Variants in ATL1 observed in about 807,000 individuals in gnomAD.
ATL1 encodes atlastin-1.
ATL1 carries 31 observed loss-of-function variants against 75.5 expected under a neutral mutation model. The observed-to-expected ratio is 0.41, with a 90% CI of 0.31 to 0.55. The LOEUF is 0.55. Among genes scored for constraint, ATL1 ranks in the 20% least tolerant of loss-of-function variants. The pLI, the probability that ATL1 is intolerant of heterozygous loss-of-function variation, is 0.27. For missense variants in ATL1, 405 were observed against 662.6 expected (o/e 0.61, Z 4.27); for synonymous variants, 226 against 233.3 (o/e 0.97, Z 0.28).
chr14:50,542,294 G>A (rs1345895844), intron 1 of ATL1, among the ~76,000 whole-genome samples: 1 of 149,512 alleles, frequency 6.7e-6, no homozygotes, highest in Non-Finnish European at 1.5e-5. Context: ...TCGGGGGGAG[G>A]GGGTTGGGGG....
chr14:50,546,349 G>A (rs1304141825), intron 1 of ATL1, among the ~76,000 whole-genome samples: 1 of 151,960 alleles, frequency 6.6e-6, no homozygotes, highest in Non-Finnish European at 1.5e-5. Flanking sequence ...CTAGAGTTCT[G>A]AAGTAAAAGG....
intron 1 of ATL1, among the ~76,000 whole-genome samples, chr14:50,544,565 T>C (rs1416155258): frequency 1.3e-5 from 2 of 152,188 alleles, no homozygotes; most frequent in Non-Finnish European, 2.9e-5. Flanking sequence ...ATTCTGTCTC[T>C]AGGCATGGAT....
chr14:50,537,442 C>T (rs569098255), intron 1 of ATL1, among the ~76,000 whole-genome samples: 4 of 152,288 alleles, frequency 2.6e-5, no homozygotes, highest in African/African-American at 9.6e-5. Context: ...GGGTCAGAGC[C>T]CCCAGACAGA....
intron 8 of ATL1, among the ~76,000 whole-genome samples, chr14:50,615,596 A>G (rs988128330): frequency 6.6e-6 from 1 of 152,166 alleles, no homozygotes; most frequent in Admixed American, 6.6e-5. Context: ...CTTTCATACC[A>G]CAGACTAGAT....
At chr14:50,627,581 TCA>T (rs1447944474) in intron 11 of ATL1, among the ~76,000 whole-genome samples, 1 of 152,254 alleles carries the variant, frequency 6.6e-6, no homozygotes, top group Non-Finnish European at 1.5e-5. Context: ...AGAATGTATT[TCA>T]CAGTTTACTT....
chr14:50,566,570 T>G (rs1253895724), intron 1 of ATL1, among the ~76,000 whole-genome samples: 1 of 152,188 alleles, frequency 6.6e-6, no homozygotes, highest in African/African-American at 2.4e-5. Flanking sequence ...AATCTGCATT[T>G]TACTGATTAC....
intron 1 of ATL1, among the ~76,000 whole-genome samples, chr14:50,534,342 T>C (rs530646268): frequency 3.3e-5 from 5 of 152,076 alleles, no homozygotes; most frequent in African/African-American, 1.2e-4. Context: ...AACCAGAGGA[T>C]TTTATAGTGT....
rs192754337 is a variant in ATL1 at position 50,541,963 on chromosome 14, C to T, written c.-140+8596C>T. Among the ~76,000 whole-genome samples, 350 of 123,786 alleles carry T rather than the reference C, an allele frequency of 2.8e-3. 2 individuals carry two copies. The highest frequency in any genetic ancestry group is 0.01 in the African/African-American group (328 of 31,278). The allele number at this position is 123,786 out of a possible 152,430, so 81.2% of individuals were successfully genotyped here. On this transcript the variant is annotated intron_variant, in intron 1 of 13. Coordinates refer to the ATL1 transcript ENST00000441560. Reference sequence around the variant, plus strand: ...CAGAGCTTGTAGTGAGCCGAGATCGCGCCACTGCACTCCAGCCTGGGCGAC... The same window carrying T: ...CAGAGCTTGTAGTGAGCCGAGATCGTGCCACTGCACTCCAGCCTGGGCGAC...
chr14:50,622,684 A>T (rs144686374), intron 10 of ATL1, among the ~76,000 whole-genome samples: 2,778 of 152,180 alleles, frequency 0.018, 55 homozygotes, highest in South Asian at 0.085. Flanking sequence ...ATAAGAATAA[A>T]AAATAAATAA....
intron 9 of ATL1, 73 bp from the exon 10 acceptor site, chr14:50,621,770 A>G: frequency 1.1e-6 from 1 of 914,348 alleles, no homozygotes; most frequent in South Asian, 1.4e-5. Context: ...AAGAACTTAG[A>G]ATGCAATTTC....
Position 50,560,190 on chromosome 14 carries a change from C to G in ATL1, c.-76C>G. 6.3e-7 allele frequency: 1 copy of G among 1,582,520 alleles called. No individual in the cohort carries two copies. The highest frequency in any genetic ancestry group is 8.6e-7 in the Non-Finnish European group (1 of 1,158,882). On this transcript the variant is annotated 5_prime_UTR_variant, in exon 1 of 14. Transcript: ENST00000358385. ...CCAGCGCGGGCACGGAGCCTCCCAC[C>G]GCCAGCAACCTGCGGCCCCGGAGAA...
At chr14:50,573,212 T>A (rs2038970535) in intron 1 of ATL1, among the ~76,000 whole-genome samples, 1 of 152,198 alleles carries the variant, frequency 6.6e-6, no homozygotes, top group Non-Finnish European at 1.5e-5. Flanking sequence ...CATAATATTT[T>A]TTTTACCCAT....
At chr14:50,557,947 C>T (rs900007287), upstream of ATL1, among the ~76,000 whole-genome samples, 1 of 152,140 alleles carries the variant, frequency 6.6e-6, no homozygotes, top group Non-Finnish European at 1.5e-5. Context: ...CAAAAAGGGA[C>T]AATGTTAAAA....
At position 50,624,991 on chromosome 14, in the gene ATL1, AC is replaced by A. The variant is rs1320755855; in HGVS notation, c.1119+1746del. On this transcript the variant is annotated intron_variant, in intron 11 of 13. Coordinates refer to ENST00000358385, the MANE Select transcript of ATL1 (RefSeq NM_015915.5). The stretch of plus-strand genomic sequence containing the variant: ...AGGCCGAGGCAGGAGAATCGCTTGA[AC>A]CCAGGAGGCAGAGGTTGCAATGAGC... Among the ~76,000 whole-genome samples, 532 of 150,270 alleles carry A rather than the reference AC, an allele frequency of 3.5e-3. 1 individual carries two copies. The highest frequency in any genetic ancestry group is 7.3e-3 in the Middle Eastern group (2 of 274).
chr14:50,621,106 G>A (rs2039463214), intron 9 of ATL1, among the ~76,000 whole-genome samples: 1 of 152,084 alleles, frequency 6.6e-6, no homozygotes, highest in South Asian at 2.1e-4. Context: ...CCTTCCTACT[G>A]AAGAAAATAC....
chr14:50,560,755 G>T (rs2038831332), intron 1 of ATL1, among the ~76,000 whole-genome samples: 2 of 152,232 alleles, frequency 1.3e-5, no homozygotes. Context: ...CCAACTCGCT[G>T]GCTCTGCAGG....
intron 1 of ATL1, among the ~76,000 whole-genome samples, chr14:50,552,851 A>G (rs1254513301): frequency 1.3e-5 from 2 of 152,218 alleles, no homozygotes; most frequent in African/African-American, 4.8e-5. Flanking sequence ...ACCTTATAGA[A>G]AAATCAACTC....
In ATL1 at chr14:50,615,259, G is replaced by C. The variant is rs113273814; in HGVS notation, c.862+748G>C. On this transcript the variant is annotated intron_variant, in intron 8 of 13. Coordinates refer to ENST00000358385, the MANE Select transcript of ATL1 (RefSeq NM_015915.5). ...CATGACTTTTTAACTTGAAAGCGTAGTGTTGAATATGCCACTGAATTCAGA... is the reference window on the plus strand; with the variant it reads ...CATGACTTTTTAACTTGAAAGCGTACTGTTGAATATGCCACTGAATTCAGA... 2.9e-4 allele frequency among the ~76,000 whole-genome samples: 44 copies of C among 152,324 alleles called. 2 individuals are homozygous for C. Among genetic ancestry groups the C allele is most frequent in the Admixed American group, 2.3e-3 (35 of 15,296 alleles).
rs1331632379 is a variant in ATL1 at position 50,632,252 on chromosome 14, A to G, written c.1590A>G (p.Ala530=). 6.2e-7 allele frequency: 1 copy of G among 1,613,096 alleles called. No individual in the cohort carries two copies. The part of the protein sequence containing the change: ...TNEALYKLYS[A]AATHRHLYHQ... ...AGGCTTTGTACAAGCTTTACAGTGCAGCAGCAACCCACAGACATCTGTATC... is the reference window on the plus strand; with the variant it reads ...AGGCTTTGTACAAGCTTTACAGTGCGGCAGCAACCCACAGACATCTGTATC... The change falls in exon 14 of 14, where the codon GCA becomes GCG. Residue 530 remains alanine (A), a synonymous_variant. Coordinates refer to ENST00000358385, the MANE Select transcript of ATL1 (RefSeq NM_015915.5).
Sources: allele counts gnomAD v4.1 joint callset (sites outside exome capture counted in the v4.1 genomes callset), GRCh38; gene constraint gnomAD v4.1.1; transcripts MANE v1.5; gene names NCBI Gene and HGNC (gene_info 2026-07-23, HGNC 2026-07-21).